Variants in CWF19L1 observed in about 807,000 individuals in gnomAD.
CWF19L1 encodes CWF19 like cell cycle control factor 1.
Under a neutral mutation model 69.7 loss-of-function variants are expected in CWF19L1, and 60 were observed. That is an observed-to-expected ratio of 0.86 (90% CI 0.70 to 1.07). CWF19L1 has a LOEUF of 1.07. Ranked by LOEUF, CWF19L1 falls within the 50% of genes least tolerant of loss-of-function variation. The pLI, the probability that CWF19L1 is intolerant of heterozygous loss-of-function variation, is 0.00. For synonymous variants in CWF19L1, 209 were observed against 222.2 expected (o/e 0.94, Z 0.53); for missense variants, 591 against 638.9 (o/e 0.92, Z 0.81).
chr10:100,255,671 G>A (rs992479575), intron 5 of CWF19L1, among the ~76,000 whole-genome samples: 5 of 151,698 alleles, frequency 3.3e-5, no homozygotes, highest in Non-Finnish European at 4.4e-5. Context: ...GCTGAGGCAG[G>A]TGAATTGCTT....
At chr10:100,236,254 A>G (rs182149050) in intron 12 of CWF19L1, among the ~76,000 whole-genome samples, 36 of 152,076 alleles carry the variant, frequency 2.4e-4, no homozygotes, top group Non-Finnish European at 4.6e-4. Flanking sequence ...CTACAGGCAC[A>G]TGCCACCATG....
chr10:100,246,001 G>A, intron 8 of CWF19L1, 88 bp from the exon 9 acceptor site: 1 of 921,656 alleles, frequency 1.1e-6, no homozygotes, highest in Non-Finnish European at 1.8e-6. Context: ...GAACATTCCT[G>A]CCATGCCATA....
At chr10:100,257,597 C>G (rs1470701525) in intron 4 of CWF19L1, among the ~76,000 whole-genome samples, 2 of 151,974 alleles carry the variant, frequency 1.3e-5, no homozygotes, top group African/African-American at 4.8e-5. Flanking sequence ...CACGCCCAGC[C>G]TACTTTATTA....
intron 3 of CWF19L1, among the ~76,000 whole-genome samples, chr10:100,260,674 C>G (rs1291120180): frequency 2.0e-5 from 3 of 152,080 alleles, no homozygotes; most frequent in Non-Finnish European, 4.4e-5. Context: ...AGGCATGCGC[C>G]ACCATGCCCT....
chr10:100,238,205 G>A lies in CWF19L1; in HGVS notation c.1071C>T (p.Gly357=). 1.9e-6 allele frequency: 3 copies of A among 1,614,162 alleles called. No individual in the cohort carries two copies. The highest frequency in any genetic ancestry group is 2.5e-6 in the Non-Finnish European group (3 of 1,180,016). Residue 357 remains glycine (G), a synonymous_variant, in exon 11 of 14, where the codon GGC becomes GGT. Transcript: ENST00000354105. ...THCYLALAKG[G]LSDDHVLILP... is the part of the protein sequence containing the mutation. ...GGATGAGGACATGGTCATCAGATAA[G>A]CCTCCTTTGGCCAGGGCAAGGTAGC...
chr10:100,249,856 G>C (rs1846964784), intron 7 of CWF19L1, among the ~76,000 whole-genome samples: 1 of 152,246 alleles, frequency 6.6e-6, no homozygotes, highest in Admixed American at 6.5e-5. Flanking sequence ...AAAGTGCTGG[G>C]ATTACAGGCG....
rs568575687 is a variant in CWF19L1 at position 100,245,647 on chromosome 10, T to G, written c.964+152A>C. On this transcript the variant is annotated intron_variant, in intron 9 of 13. Coordinates refer to ENST00000354105, the MANE Select transcript of CWF19L1 (RefSeq NM_018294.6). ...CAGTCACCACACCTGGCCAAGGCCA[T>G]GTTTATATTTTATTTTTACTGTTGG... 7.0e-5 allele frequency: 43 copies of G among 613,710 alleles called. No homozygotes were observed. In the African/African-American group the frequency reaches 7.2e-4, roughly 10 times the overall value. 38.0% of individuals were successfully genotyped at this position (613,710 alleles called of 1,614,324 possible). A position where few individuals can be genotyped will look rare whatever the true frequency, so the allele number is the denominator to read the frequency against.
At chr10:100,265,584 G>C (rs1847552313) in intron 1 of CWF19L1, among the ~76,000 whole-genome samples, 1 of 147,494 alleles carries the variant, frequency 6.8e-6, no homozygotes, top group Non-Finnish European at 1.5e-5. Flanking sequence ...GCAGTGGTGC[G>C]ATCTCGGCTC....
intron 5 of CWF19L1, chr10:100,254,456 G>C (rs1161134504): frequency 6.6e-6 from 1 of 152,144 alleles, no homozygotes; most frequent in Admixed American, 6.5e-5. Flanking sequence ...AACCAATTAA[G>C]TGATCTCTCA....
intron 7 of CWF19L1, chr10:100,248,579 C>T: frequency 2.7e-6 from 2 of 734,954 alleles, no homozygotes; most frequent in Non-Finnish European, 5.0e-6. Flanking sequence ...CGCATCTTGA[C>T]CAGCATTGAA....
chr10:100,250,399 G>A, intron 6 of CWF19L1, 67 bp from the exon 7 acceptor site: 1 of 970,674 alleles, frequency 1.0e-6, no homozygotes, highest in Non-Finnish European at 1.7e-6. Flanking sequence ...GACAAAATAT[G>A]TGGACTCTAT....
chr10:100,236,911 G>A lies in CWF19L1; in HGVS notation c.1313C>T (p.Thr438Ile). 1.2e-6 allele frequency: 2 copies of A among 1,612,190 alleles called. No individual in the cohort carries two copies. Among genetic ancestry groups the A allele is most frequent in the South Asian group, 1.1e-5 (1 of 90,826 alleles). Residue 438 changes from threonine to isoleucine, a missense_variant, in exon 12 of 14, where the codon ACC becomes ATC. By Grantham distance (89) the Thr-to-Ile change is moderately conservative. This residue lies in a region of CWF19L1 where 458 missense variants were observed against 489.3 expected (regional missense o/e 0.94). Coordinates refer to ENST00000354105, the MANE Select transcript of CWF19L1 (RefSeq NM_018294.6). ...TTDDIKDAFI[T>I]QAQEQQIELL... The stretch of plus-strand genomic sequence containing the variant: ...CTCTATCTGCTGCTCCTGTGCCTGG[G>A]TAATGAAGGCATCTTTAATGTCATC...
chr10:100,245,714 C>A, intron 9 of CWF19L1, 85 bp downstream of exon 9: 3 of 942,212 alleles, frequency 3.2e-6, no homozygotes, highest in Non-Finnish European at 5.1e-6. Flanking sequence ...CCAGAAGAGG[C>A]TCTCTTAGCA....
At chr10:100,258,971 G>A (rs1045344396) in intron 4 of CWF19L1, among the ~76,000 whole-genome samples, 1 of 151,430 alleles carries the variant, frequency 6.6e-6, no homozygotes, top group Admixed American at 6.6e-5. Flanking sequence ...GGGAGGCTGA[G>A]GCAGGCGGGT....
chr10:100,250,108 A>G, intron 7 of CWF19L1, 140 bp downstream of exon 7: 3 of 681,626 alleles, frequency 4.4e-6, no homozygotes, highest in Non-Finnish European at 7.9e-6. Flanking sequence ...TCATTACCAT[A>G]CCTTTACAAA....
intron 5 of CWF19L1, among the ~76,000 whole-genome samples, chr10:100,255,373 G>A (rs1847175320): frequency 6.6e-6 from 1 of 152,016 alleles, no homozygotes; most frequent in Non-Finnish European, 1.5e-5. Context: ...GGCTGGGCAC[G>A]GTGGCTCATG....
intron 10 of CWF19L1, among the ~76,000 whole-genome samples, chr10:100,238,725 T>C: frequency 6.6e-6 from 1 of 152,006 alleles, no homozygotes; most frequent in Non-Finnish European, 1.5e-5. Context: ...AGGTCAGAAG[T>C]TCCAGACTAG....
rs1564867034 is a variant in CWF19L1 at position 100,267,597 on chromosome 10, T to C, written c.-4A>G. ...GGCGCAGCGGTTTCTGTGCCATCTG[T>C]CCGAATAGTATGGGTTGCGACTGCC... is the stretch of plus-strand genomic sequence containing the variant. On this transcript the variant is annotated 5_prime_UTR_variant, in exon 1 of 14. Coordinates refer to ENST00000354105, the MANE Select transcript of CWF19L1 (RefSeq NM_018294.6). The C allele has an allele frequency of 6.2e-7, 1 of 1,614,170 alleles. No individual in the cohort carries two copies. The highest frequency in any genetic ancestry group is 1.3e-5 in the African/African-American group (1 of 75,032).
At chr10:100,248,187 G>C (rs868619068) in intron 7 of CWF19L1, 1 of 653,232 alleles carries the variant, frequency 1.5e-6, no homozygotes, top group Non-Finnish European at 2.7e-6. Context: ...GGGCAAAAAA[G>C]CTGAAAATAG....
Sources: allele counts gnomAD v4.1 joint callset (sites outside exome capture counted in the v4.1 genomes callset), GRCh38; gene constraint gnomAD v4.1.1; regional missense constraint gnomAD v4.1.1; transcripts MANE v1.5; gene names NCBI Gene and HGNC (gene_info 2026-07-23, HGNC 2026-07-21).